MAP4: variants seen among roughly 807,000 people sequenced by gnomAD.
MAP4 encodes microtubule-associated protein 4.
Under a neutral mutation model 170.2 loss-of-function variants are expected in MAP4, and 76 were observed. The ratio of observed to expected loss-of-function variants is 0.45; its 90% confidence interval spans 0.37 to 0.54. The LOEUF is 0.54. Among genes scored for constraint, MAP4 ranks in the 20% least tolerant of loss-of-function variants. The probability of loss-of-function intolerance (pLI) is 0.00; values close to 1 mark genes in which losing one functional copy is unlikely to be tolerated. For missense variants in MAP4, 2,506 were observed against 2,748.0 expected, an observed-to-expected ratio of 0.91 and a Z score of 1.97; for synonymous variants, 909 against 994.5, an observed-to-expected ratio of 0.91 and a Z score of 1.62.
chr3:47,951,501 C>T (rs1021754786), intron 3 of MAP4, among the ~76,000 whole-genome samples: 9 of 152,330 alleles, frequency 5.9e-5, no homozygotes, highest in Admixed American at 1.3e-4. Context: ...AGACGCGCGC[C>T]GCCACGCCTG....
intron 1 of MAP4, among the ~76,000 whole-genome samples, chr3:48,010,901 C>T (rs886293432): frequency 1.4e-4 from 21 of 152,154 alleles, no homozygotes; most frequent in African/African-American, 3.9e-4. Context: ...TTTGGGGACT[C>T]GGATTGGCTC....
chr3:47,880,601 G>A (rs1189173063), intron 10 of MAP4, among the ~76,000 whole-genome samples: 2 of 151,674 alleles, frequency 1.3e-5, no homozygotes, highest in Admixed American at 6.6e-5. Context: ...AAGTAGCTGG[G>A]ACTACTGGTA....
chr3:48,017,847 T>C (rs903023977), upstream of MAP4, among the ~76,000 whole-genome samples: 8 of 152,178 alleles, frequency 5.3e-5, no homozygotes, highest in African/African-American at 1.7e-4. Context: ...TGTAGTTCAG[T>C]GGTCCCCAAA....
At chr3:48,068,546 T>C (rs2100139426) in intron 1 of MAP4, among the ~76,000 whole-genome samples, 1 of 152,042 alleles carries the variant, frequency 6.6e-6, no homozygotes, top group Non-Finnish European at 1.5e-5. Context: ...TCCCAGCCCT[T>C]AGGGAGGCCA....
chr3:48,043,100 A>T (rs1462508670), intron 1 of MAP4, among the ~76,000 whole-genome samples: 2 of 152,074 alleles, frequency 1.3e-5, no homozygotes, highest in Non-Finnish European at 2.9e-5. Flanking sequence ...TGTACATTTT[A>T]TTTATTTATT....
At chr3:47,887,214 G>A (rs532717017) in intron 10 of MAP4, among the ~76,000 whole-genome samples, 36 of 152,366 alleles carry the variant, frequency 2.4e-4, no homozygotes, top group Admixed American at 1.3e-3. Context: ...AAGGAGAGGC[G>A]CGAGCAGGAA....
chr3:47,962,241 G>C (rs1325091741), intron 3 of MAP4, among the ~76,000 whole-genome samples: 1 of 152,190 alleles, frequency 6.6e-6, no homozygotes, highest in African/African-American at 2.4e-5. Context: ...TCAGCAAGAA[G>C]CAGCACTGGT....
At chr3:47,970,214 G>A (rs1317629380) in intron 3 of MAP4, among the ~76,000 whole-genome samples, 1 of 152,224 alleles carries the variant, frequency 6.6e-6, no homozygotes, top group Non-Finnish European at 1.5e-5. Flanking sequence ...AGCTGGGCAT[G>A]GTGGCTCATG....
At chr3:47,960,043 T>C (rs977390402) in intron 3 of MAP4, among the ~76,000 whole-genome samples, 3 of 151,984 alleles carry the variant, frequency 2.0e-5, no homozygotes, top group Non-Finnish European at 2.9e-5. Flanking sequence ...TTTGTATTTT[T>C]AGTAGAGACA....
intron 10 of MAP4, among the ~76,000 whole-genome samples, chr3:47,880,108 CT>C (rs879431942): frequency 3.1e-4 from 45 of 146,788 alleles, no homozygotes; most frequent in South Asian, 8.6e-4. Context: ...TAACAGATTA[CT>C]TTTTTTTTTT....
intron 3 of MAP4, chr3:47,973,876 G>T (rs1234989054): frequency 4.1e-6 from 4 of 985,292 alleles, no homozygotes; most frequent in Non-Finnish European, 4.8e-6. Context: ...TCTATGGCAA[G>T]AGAGTTTTAA....
chr3:47,989,740 A>G (rs2100090990), intron 2 of MAP4, among the ~76,000 whole-genome samples: 1 of 152,224 alleles, frequency 6.6e-6, no homozygotes, highest in Admixed American at 6.5e-5. Context: ...TCCCTGCCAG[A>G]TAAGACATAC....
At chr3:47,965,984 C>T (rs945539927) in intron 3 of MAP4, among the ~76,000 whole-genome samples, 5 of 152,058 alleles carry the variant, frequency 3.3e-5, no homozygotes, top group African/African-American at 1.2e-4. Flanking sequence ...TCTATGTTTT[C>T]TTCTAAGAAA....
At chr3:48,055,129 G>A (rs1057067713) in intron 1 of MAP4, among the ~76,000 whole-genome samples, 2 of 152,104 alleles carry the variant, frequency 1.3e-5, no homozygotes, top group African/African-American at 4.8e-5. Flanking sequence ...TGGGGAACCT[G>A]GGCCTCCACC....
At chr3:47,892,148 T>C in intron 10 of MAP4, 3 of 1,536,218 alleles carry the variant, frequency 2.0e-6, no homozygotes, top group Non-Finnish European at 1.7e-6. Context: ...CTCCAAGGGA[T>C]GGCAGGTCTC....
chr3:47,975,128 T>C lies in MAP4; in HGVS notation c.292+2737A>G, dbSNP rs775381205. Reference sequence around the variant, plus strand: ...TAAAGGAAAAAAATGTGAGAATGAATCAAATGATAAAATCATAAAGAAAAC... The same window carrying C: ...TAAAGGAAAAAAATGTGAGAATGAACCAAATGATAAAATCATAAAGAAAAC... On this transcript the variant is annotated intron_variant, in intron 3 of 20. Transcript: ENST00000683076. 167 of 1,094,382 alleles carry C rather than the reference T, an allele frequency of 1.5e-4. 1 individual carries two copies. The highest frequency in any genetic ancestry group is 1.8e-4 in the Non-Finnish European group (160 of 894,778). The allele number at this position is 1,094,382 out of a possible 1,614,324, so 67.8% of individuals were successfully genotyped here.
At chr3:47,955,445 C>CGT (rs1444053244) in intron 3 of MAP4, among the ~76,000 whole-genome samples, 25 of 145,338 alleles carry the variant, frequency 1.7e-4, no homozygotes, top group African/African-American at 6.4e-4. Context: ...TACACACACA[C>CGT]ACACACACAC....
rs769575905 is a variant in MAP4, at chr3:47,914,812, C to A, written c.1999+5G>T. On this transcript the variant is annotated splice_donor_5th_base_variant and intron_variant, in intron 8 of 20. Coordinates refer to ENST00000683076, the MANE Select transcript of MAP4 (RefSeq NM_001385682.1). ...CAAAGAGTTCATTTTGTTTTCCTAACTTACCTGAGGTCTCTGAAGAAAGCT... is the reference window on the plus strand; with the variant it reads ...CAAAGAGTTCATTTTGTTTTCCTAAATTACCTGAGGTCTCTGAAGAAAGCT... 3 of 1,614,102 alleles carry A rather than the reference C, an allele frequency of 1.9e-6. No homozygotes were observed. The South Asian group carries it at 3.3e-5, about 18-fold the overall frequency.
chr3:47,924,127 T>A (rs967251425), intron 4 of MAP4, among the ~76,000 whole-genome samples: 2 of 152,216 alleles, frequency 1.3e-5, no homozygotes, highest in African/African-American at 4.8e-5. Context: ...GCAGACCCAG[T>A]ATGCTCTAAA....
Sources: gnomAD v4.1 joint callset for allele counts (sites outside exome capture counted in the v4.1 genomes callset) on GRCh38, gnomAD v4.1.1 for gene constraint, MANE v1.5 for transcripts, NCBI Gene and HGNC (gene_info 2026-07-23, HGNC 2026-07-21) for gene names.